Variants in NAALADL2 observed in about 807,000 individuals in gnomAD.
The protein encoded by NAALADL2 is N-acetylated alpha-linked acidic dipeptidase like 2, also known as inactive N-acetylated-alpha-linked acidic dipeptidase-like protein 2.
A neutral mutation model predicts 87.2 loss-of-function variants in NAALADL2; 76 were observed. That is an observed-to-expected ratio of 0.87 (90% confidence interval 0.72 to 1.05). The LOEUF (loss-of-function observed/expected upper bound fraction) is 1.05. NAALADL2 is among the 50% of genes least tolerant of loss of function. The pLI is 0.00. For missense variants in NAALADL2, 1,089 were observed against 945.8 expected (o/e 1.15, Z -1.99); for synonymous variants, 354 against 331.0 (o/e 1.07, Z -0.75).
At chr3:174,457,670 A>G (rs932372504) in intron 1 of NAALADL2, among the ~76,000 whole-genome samples, 1 of 152,096 alleles carries the variant, frequency 6.6e-6, no homozygotes, top group East Asian at 1.9e-4. Flanking sequence ...TAAAGATACA[A>G]AAAATTTACT....
chr3:174,809,889 A>T (rs1719969178), intron 3 of NAALADL2, among the ~76,000 whole-genome samples: 1 of 152,124 alleles, frequency 6.6e-6, no homozygotes, highest in African/African-American at 2.4e-5. Flanking sequence ...CATCCTTTTG[A>T]TGCTGTTCTC....
intron 9 of NAALADL2, among the ~76,000 whole-genome samples, chr3:175,485,373 A>T (rs1004898780): frequency 6.6e-6 from 1 of 152,142 alleles, no homozygotes; most frequent in African/African-American, 2.4e-5. Flanking sequence ...AAGGGAGTTT[A>T]TTAAGGAGAA....
At chr3:174,928,269 T>A (rs965009211) in intron 1 of NAALADL2, among the ~76,000 whole-genome samples, 1 of 152,106 alleles carries the variant, frequency 6.6e-6, no homozygotes, top group Admixed American at 6.6e-5. Context: ...GGAGACAGAA[T>A]TTTGCTCTTC....
intron 4 of NAALADL2, among the ~76,000 whole-genome samples, chr3:175,320,740 A>T (rs1207713967): frequency 6.6e-6 from 1 of 152,164 alleles, no homozygotes; most frequent in Admixed American, 6.5e-5. Flanking sequence ...ATCTAGAAGA[A>T]ATGGATAAAT....
At chr3:175,000,749 A>C (rs1158059587) in intron 1 of NAALADL2, among the ~76,000 whole-genome samples, 1 of 152,228 alleles carries the variant, frequency 6.6e-6, no homozygotes, top group Non-Finnish European at 1.5e-5. Flanking sequence ...CATCAATATT[A>C]ACACCAACCA....
At chr3:174,441,364 C>T (rs560808237) in intron 1 of NAALADL2, among the ~76,000 whole-genome samples, 3 of 152,264 alleles carry the variant, frequency 2.0e-5, no homozygotes, top group East Asian at 3.9e-4. Context: ...AGCCGCTTGT[C>T]TTAGGAGAGG....
intron 3 of NAALADL2, among the ~76,000 whole-genome samples, chr3:174,833,704 C>G (rs57895256): frequency 0.014 from 2,114 of 152,118 alleles, 51 homozygotes; most frequent in African/African-American, 0.049. Context: ...AAAGGTGTGA[C>G]ATGTTAAAAG....
At chr3:175,125,134 T>C (rs977272973) in intron 2 of NAALADL2, among the ~76,000 whole-genome samples, 50 of 152,088 alleles carry the variant, frequency 3.3e-4, no homozygotes, top group African/African-American at 9.9e-4. Context: ...TTGAGAAATA[T>C]GGCTGTTGTG....
intron 10 of NAALADL2, among the ~76,000 whole-genome samples, chr3:175,578,071 A>G (rs1472869448): frequency 6.6e-6 from 1 of 152,068 alleles, no homozygotes; most frequent in Non-Finnish European, 1.5e-5. Flanking sequence ...CTTCATGTTA[A>G]TGGTCCAGTT....
intron 5 of NAALADL2, among the ~76,000 whole-genome samples, chr3:175,372,011 C>T (rs917685694): frequency 6.6e-6 from 1 of 152,088 alleles, no homozygotes; most frequent in African/African-American, 2.4e-5. Context: ...CCTACCATAA[C>T]ATGAAATAGA....
At chr3:174,874,814 G>A (rs1039107683) in intron 1 of NAALADL2, among the ~76,000 whole-genome samples, 2 of 152,072 alleles carry the variant, frequency 1.3e-5, no homozygotes. Flanking sequence ...TGCCAGGACA[G>A]TGAGAGTCTG....
chr3:174,999,822 CATAG>C (rs1247843304), intron 1 of NAALADL2, among the ~76,000 whole-genome samples: 1 of 152,058 alleles, frequency 6.6e-6, no homozygotes, highest in East Asian at 1.9e-4. Flanking sequence ...ACTACATAAA[CATAG>C]ATAAACATAT....
chr3:175,404,524 T>C (rs976477129), intron 5 of NAALADL2, among the ~76,000 whole-genome samples: 1 of 152,126 alleles, frequency 6.6e-6, no homozygotes, highest in African/African-American at 2.4e-5. Flanking sequence ...CAATGCAATG[T>C]AGAGAGTCAG....
Position 174,941,656 on chromosome 3 carries a change from C to T in NAALADL2, c.43+82206C>T, listed in dbSNP as rs972366839. Reference sequence around the variant, plus strand: ...ATTTCTCTTTTTATGTCTCTAAGAACTTGTTTTAGGTATCTGGGTTCTCCT... The same window carrying T: ...ATTTCTCTTTTTATGTCTCTAAGAATTTGTTTTAGGTATCTGGGTTCTCCT... On this transcript the variant is annotated intron_variant, in intron 1 of 13. Transcript: ENST00000454872. Among the ~76,000 whole-genome samples the T allele has an allele frequency of 3.9e-5, 6 of 152,092 alleles. 1 individual carries two copies. In the East Asian group the frequency reaches 9.7e-4, roughly 25 times the overall value.
At chr3:174,986,194 A>G (rs1745842792) in intron 1 of NAALADL2, among the ~76,000 whole-genome samples, 1 of 150,338 alleles carries the variant, frequency 6.7e-6, no homozygotes, top group Non-Finnish European at 1.5e-5. Context: ...GTAGATTACT[A>G]TTAGAAAATA....
chr3:175,270,600 C>T (rs975787545), intron 4 of NAALADL2, among the ~76,000 whole-genome samples: 5 of 152,116 alleles, frequency 3.3e-5, no homozygotes, highest in East Asian at 1.9e-4. Flanking sequence ...TTAACTTCTC[C>T]GGGAAAATGT....
chr3:174,810,246 A>G (rs1720018518), intron 3 of NAALADL2, among the ~76,000 whole-genome samples: 1 of 152,162 alleles, frequency 6.6e-6, no homozygotes, highest in Non-Finnish European at 1.5e-5. Context: ...TGGGTAATGG[A>G]CAGAGGGTGA....
chr3:174,554,405 A>G (rs1195260026), intron 2 of NAALADL2, among the ~76,000 whole-genome samples: 4 of 151,956 alleles, frequency 2.6e-5, no homozygotes, highest in Admixed American at 6.6e-5. Flanking sequence ...CTTATTGTTG[A>G]ACATCGACAC....
intron 11 of NAALADL2, among the ~76,000 whole-genome samples, chr3:175,680,426 T>C (rs1389805564): frequency 6.6e-6 from 1 of 152,226 alleles, no homozygotes; most frequent in African/African-American, 2.4e-5. Flanking sequence ...TAGATGGGTA[T>C]ATACACATTG....
Sources: gnomAD v4.1 joint callset for allele counts (sites outside exome capture counted in the v4.1 genomes callset) on GRCh38, gnomAD v4.1.1 for gene constraint, MANE v1.5 for transcripts, NCBI Gene and HGNC (gene_info 2026-07-23, HGNC 2026-07-21) for gene names.